The following KCNJ3 variants were observed in gnomAD, a reference collection of about 807,000 sequenced individuals.
The protein encoded by KCNJ3 is G protein-activated inward rectifier potassium channel 1.
Under a neutral mutation model 39.2 loss-of-function variants are expected in KCNJ3, and 4 were observed. That is an observed-to-expected ratio of 0.10 (90% confidence interval 0.05 to 0.23). KCNJ3 has a LOEUF of 0.23. KCNJ3 is among the 10% of genes least tolerant of loss of function. The pLI is 1.00. For synonymous variants in KCNJ3, 230 were observed against 237.4 expected (o/e 0.97, Z 0.29); for missense variants, 276 against 634.9 (o/e 0.43, Z 6.08).
chr2:154,831,092 AC>A (rs1687355264), intron 2 of KCNJ3, among the ~76,000 whole-genome samples: 1 of 152,124 alleles, frequency 6.6e-6, no homozygotes, highest in Admixed American at 6.6e-5. Context: ...CAATTGGTTT[AC>A]TTGTTCAGTC....
intron 2 of KCNJ3, among the ~76,000 whole-genome samples, chr2:154,796,511 T>A (rs1686722842): frequency 6.6e-6 from 1 of 152,140 alleles, no homozygotes; most frequent in Admixed American, 6.6e-5. Flanking sequence ...TGGGCATTAC[T>A]CAGTTGAGGA....
At chr2:154,751,131 C>T (rs1052610846) in intron 2 of KCNJ3, among the ~76,000 whole-genome samples, 1 of 151,582 alleles carries the variant, frequency 6.6e-6, no homozygotes, top group Non-Finnish European at 1.5e-5. Context: ...CCACCTATTC[C>T]CCAAAAACCT....
intron 2 of KCNJ3, among the ~76,000 whole-genome samples, chr2:154,815,186 T>C (rs1209803000): frequency 2.6e-5 from 4 of 152,230 alleles, no homozygotes; most frequent in Non-Finnish European, 4.4e-5. Context: ...TATTTTTTTC[T>C]GTATCTTTTT....
intron 2 of KCNJ3, among the ~76,000 whole-genome samples, chr2:154,747,788 G>T (rs899260141): frequency 6.6e-6 from 1 of 152,032 alleles, no homozygotes; most frequent in Non-Finnish European, 1.5e-5. Flanking sequence ...CCAGATAAAG[G>T]CCTGTTGTTT....
rs894340415 is a variant in KCNJ3 at position 154,784,677 on chromosome 2, G to A, written c.920-70050G>A. Among the ~76,000 whole-genome samples the A allele has an allele frequency of 4.6e-5, 7 of 152,064 alleles. No individual in the cohort carries two copies. The East Asian group carries it at 7.7e-4, about 17-fold the overall frequency. On this transcript the variant is annotated intron_variant, in intron 2 of 2. Coordinates refer to ENST00000295101, the MANE Select transcript of KCNJ3 (RefSeq NM_002239.4). ...ATTATAGACATGAGCCACTGCGCCC[G>A]GCCTGGACAGTCTAACTTTTTAAAA...
intron 2 of KCNJ3, among the ~76,000 whole-genome samples, chr2:154,839,082 G>T (rs1558887568): frequency 2.0e-5 from 3 of 152,106 alleles, no homozygotes; most frequent in Non-Finnish European, 2.9e-5. Context: ...TTCTCCTAAT[G>T]CTGTCTCTCC....
At chr2:154,792,630 A>G (rs1198642754) in intron 2 of KCNJ3, among the ~76,000 whole-genome samples, 1 of 152,150 alleles carries the variant, frequency 6.6e-6, no homozygotes, top group African/African-American at 2.4e-5. Context: ...TATTCAATCA[A>G]TCACTAGTAT....
chr2:154,730,568 T>A (rs1431023788), intron 2 of KCNJ3, among the ~76,000 whole-genome samples: 1 of 152,166 alleles, frequency 6.6e-6, no homozygotes, highest in East Asian at 1.9e-4. Context: ...GGTTTAGTGA[T>A]TCGGTGTTAA....
intron 2 of KCNJ3, among the ~76,000 whole-genome samples, chr2:154,834,731 A>AATAAG (rs1226201658): frequency 6.9e-6 from 1 of 144,936 alleles, no homozygotes; most frequent in Non-Finnish European, 1.5e-5. Flanking sequence ...CATCTCAAAA[A>AATAAG]ATAAAATAAA....
At chr2:154,751,927 T>A (rs1161161457) in intron 2 of KCNJ3, among the ~76,000 whole-genome samples, 1 of 152,060 alleles carries the variant, frequency 6.6e-6, no homozygotes, top group African/African-American at 2.4e-5. Flanking sequence ...TACTTCATTT[T>A]AACTGCAGTA....
At chr2:154,708,089 T>C (rs1038748280) in intron 1 of KCNJ3, among the ~76,000 whole-genome samples, 2 of 152,132 alleles carry the variant, frequency 1.3e-5, no homozygotes, top group Non-Finnish European at 2.9e-5. Context: ...CTCTTTTATT[T>C]GTTTGTCAGT....
chr2:154,763,232 G>A (rs1299981017), intron 2 of KCNJ3, among the ~76,000 whole-genome samples: 2 of 152,072 alleles, frequency 1.3e-5, no homozygotes, highest in Non-Finnish European at 2.9e-5. Flanking sequence ...TCTTGTCTGT[G>A]TCTACCTAAT....
At chr2:154,821,635 A>ATTTTTTTTTTTTTTTTTTTTTT (rs71422263) in intron 2 of KCNJ3, among the ~76,000 whole-genome samples, 1 of 88,072 alleles carries the variant, frequency 1.1e-5, no homozygotes. Context: ...AGAATATGTG[A>ATTTTTTTTTTTTTTTTTTTTTT]TTTTTTTTTT....
chr2:154,773,507 C>T (rs751610527), intron 2 of KCNJ3, among the ~76,000 whole-genome samples: 1 of 151,990 alleles, frequency 6.6e-6, no homozygotes, highest in Non-Finnish European at 1.5e-5. Flanking sequence ...ACTTTGTTCT[C>T]GGAATAATTT....
At chr2:154,839,348 G>A (rs769493892) in intron 2 of KCNJ3, among the ~76,000 whole-genome samples, 1 of 152,088 alleles carries the variant, frequency 6.6e-6, no homozygotes, top group Non-Finnish European at 1.5e-5. Flanking sequence ...TGGACATTTG[G>A]GTTGGTTCCA....
intron 2 of KCNJ3, among the ~76,000 whole-genome samples, chr2:154,840,065 T>G (rs1224089966): frequency 6.6e-6 from 1 of 152,194 alleles, no homozygotes; most frequent in Non-Finnish European, 1.5e-5. Flanking sequence ...TTTTTATGGT[T>G]TTAGGTCTAA....
intron 2 of KCNJ3, among the ~76,000 whole-genome samples, chr2:154,729,545 G>C (rs1314194606): frequency 6.6e-6 from 1 of 152,064 alleles, no homozygotes; most frequent in Non-Finnish European, 1.5e-5. Context: ...AGGCCTTCTT[G>C]TTGTTGTTCT....
intron 2 of KCNJ3, among the ~76,000 whole-genome samples, chr2:154,710,406 T>C (rs1685082628): frequency 6.6e-6 from 1 of 152,212 alleles, no homozygotes; most frequent in African/African-American, 2.4e-5. Context: ...TTTCTGCTCC[T>C]GTATAGCTAT....
intron 2 of KCNJ3, among the ~76,000 whole-genome samples, chr2:154,842,206 G>A (rs1286455480): frequency 6.6e-6 from 1 of 152,104 alleles, no homozygotes; most frequent in African/African-American, 2.4e-5. Context: ...TTATCCAGTC[G>A]TCATTCAGGA....
Sources: gnomAD v4.1 joint callset for allele counts (sites outside exome capture counted in the v4.1 genomes callset) on GRCh38, gnomAD v4.1.1 for gene constraint, MANE v1.5 for transcripts, NCBI Gene and HGNC (gene_info 2026-07-23, HGNC 2026-07-21) for gene names.